LINGO2: variants seen among roughly 807,000 people sequenced by gnomAD.
The protein encoded by LINGO2 is leucine-rich repeat and immunoglobulin-like domain-containing nogo receptor-interacting protein 2.
Under a neutral mutation model 30.6 loss-of-function variants are expected in LINGO2, and 14 were observed. That is an observed-to-expected ratio of 0.46 (90% confidence interval 0.30 to 0.72). LINGO2 has a LOEUF of 0.72. LINGO2 is among the 30% of genes least tolerant of loss of function. The pLI, the probability that LINGO2 is intolerant of heterozygous loss-of-function variation, is 0.07. For missense variants in LINGO2, 729 were observed against 751.7 expected, an observed-to-expected ratio of 0.97 and a Z score of 0.35; for synonymous variants, 317 against 288.5, an observed-to-expected ratio of 1.10 and a Z score of -1.00.
At chr9:28,962,820 T>C in the LINGO2 span, among the ~76,000 whole-genome samples, 137,417 of 151,556 alleles carry the variant, frequency 0.91, 62,489 homozygotes, top group Non-Finnish European at 0.93. Context: ...TACTTTAATC[T>C]TAAACATACT....
the LINGO2 span, among the ~76,000 whole-genome samples, chr9:29,052,143 G>A: frequency 6.6e-6 from 1 of 152,076 alleles, no homozygotes; most frequent in East Asian, 1.9e-4. Context: ...GAATCTTATT[G>A]TAAAACCTCA....
At chr9:28,032,167 G>A (rs1223103024) in intron 4 of LINGO2, among the ~76,000 whole-genome samples, 1 of 151,916 alleles carries the variant, frequency 6.6e-6, no homozygotes, top group South Asian at 2.1e-4. Flanking sequence ...TAGGTAATAT[G>A]GGCATTCACA....
intron 1 of LINGO2, among the ~76,000 whole-genome samples, chr9:28,582,518 T>C (rs897597697): frequency 6.6e-6 from 1 of 152,028 alleles, no homozygotes; most frequent in Non-Finnish European, 1.5e-5. Flanking sequence ...GCCACATGCT[T>C]CTACACAAGA....
intron 1 of LINGO2, among the ~76,000 whole-genome samples, chr9:28,565,169 C>A (rs990665823): frequency 6.6e-6 from 1 of 152,074 alleles, no homozygotes; most frequent in African/African-American, 2.4e-5. Flanking sequence ...CATGTAAAAT[C>A]TCATACTGCT....
Position 28,600,404 on chromosome 9 carries a change from A to G in LINGO2, c.-365+69796T>C, listed in dbSNP as rs148852141. Among the ~76,000 whole-genome samples the G allele has an allele frequency of 3.3e-3, 507 of 152,250 alleles. 1 individual carries two copies. The highest frequency in any genetic ancestry group is 0.011 in the African/African-American group (464 of 41,558). On this transcript the variant is annotated intron_variant, in intron 1 of 5. Coordinates refer to ENST00000379992, the Ensembl canonical transcript of LINGO2. Reference sequence around the variant, plus strand: ...GTTATATGTTTATATCAATGAATCCACAACATTCACTAAAGACACAATACT... The same window carrying G: ...GTTATATGTTTATATCAATGAATCCGCAACATTCACTAAAGACACAATACT...
intron 3 of LINGO2, among the ~76,000 whole-genome samples, chr9:28,351,464 C>A (rs1292187373): frequency 1.3e-5 from 2 of 150,954 alleles, no homozygotes; most frequent in African/African-American, 4.9e-5. Context: ...AAGTTGAATC[C>A]CTGAATAGAC....
intron 2 of LINGO2, among the ~76,000 whole-genome samples, chr9:28,419,479 CTG>C (rs1419108393): frequency 6.6e-6 from 1 of 151,926 alleles, no homozygotes; most frequent in Non-Finnish European, 1.5e-5. Flanking sequence ...AAAGGTAAGA[CTG>C]TTCATAAGCA....
chr9:28,255,392 A>C (rs1822349727), intron 4 of LINGO2, among the ~76,000 whole-genome samples: 1 of 152,112 alleles, frequency 6.6e-6, no homozygotes, highest in African/African-American at 2.4e-5. Flanking sequence ...CAGCATGGAA[A>C]GACAGAGTCA....
At chr9:28,080,527 A>AT (rs1825744584) in intron 4 of LINGO2, 1 of 152,148 alleles carries the variant, frequency 6.6e-6, no homozygotes, top group Non-Finnish European at 1.5e-5. Flanking sequence ...ACCTCCTTAA[A>AT]AAAAATTCCT....
At chr9:28,306,804 T>C (rs1824379754) in intron 3 of LINGO2, among the ~76,000 whole-genome samples, 1 of 152,164 alleles carries the variant, frequency 6.6e-6, no homozygotes, top group Admixed American at 6.5e-5. Context: ...CAAACACCTC[T>C]ACGCAAATAA....
chr9:29,183,745 G>C, the LINGO2 span, among the ~76,000 whole-genome samples: 1 of 151,838 alleles, frequency 6.6e-6, no homozygotes, highest in Non-Finnish European at 1.5e-5. Flanking sequence ...TTCACATAAA[G>C]TCCCTCATAA....
chr9:28,985,266 T>C, the LINGO2 span, among the ~76,000 whole-genome samples: 2 of 152,132 alleles, frequency 1.3e-5, no homozygotes, highest in Non-Finnish European at 2.9e-5. Flanking sequence ...TATCTATTCA[T>C]CTGTTGATGA....
At chr9:28,089,157 G>A (rs554966150) in intron 4 of LINGO2, among the ~76,000 whole-genome samples, 3 of 152,002 alleles carry the variant, frequency 2.0e-5, no homozygotes, top group African/African-American at 4.8e-5. Context: ...ACAGATCAAC[G>A]AGACAGAAAG....
chr9:28,433,947 C>CTATATA (rs1417650474), intron 2 of LINGO2, among the ~76,000 whole-genome samples: 1 of 61,038 alleles, frequency 1.6e-5, no homozygotes, highest in Non-Finnish European at 4.2e-5. Context: ...CTCTCTCTCT[C>CTATATA]TCTATATATA....
downstream of LINGO2, among the ~76,000 whole-genome samples, chr9:27,946,936 A>G (rs1253927855): frequency 2.6e-5 from 4 of 152,084 alleles, no homozygotes; most frequent in Non-Finnish European, 5.9e-5. Context: ...TATTGGGGTC[A>G]ATTTAATTTT....
chr9:28,510,266 A>G lies in LINGO2; in HGVS notation c.-364-34241T>C, dbSNP rs116217957. Reference sequence around the variant, plus strand: ...AACCCACATAAAACTTTTCACTCCCATCACTTAACTACTAATAGCCTTCTG... The same window carrying G: ...AACCCACATAAAACTTTTCACTCCCGTCACTTAACTACTAATAGCCTTCTG... On this transcript the variant is annotated intron_variant, in intron 1 of 5. Transcript: ENST00000379992. Among the ~76,000 whole-genome samples the G allele has an allele frequency of 6.0e-3, 914 of 152,312 alleles. 14 individuals carry two copies. The highest frequency in any genetic ancestry group is 0.021 in the African/African-American group (871 of 41,560).
chr9:29,089,955 A>T, the LINGO2 span, among the ~76,000 whole-genome samples: 1 of 152,050 alleles, frequency 6.6e-6, no homozygotes, highest in African/African-American at 2.4e-5. Context: ...GGTTCTTGAT[A>T]TTTGTTGAAT....
chr9:28,835,377 T>C, the LINGO2 span, among the ~76,000 whole-genome samples: 46 of 152,196 alleles, frequency 3.0e-4, no homozygotes, highest in Non-Finnish European at 5.6e-4. Flanking sequence ...TCTTTCCTGA[T>C]ATAACATGCT....
intron 4 of LINGO2, among the ~76,000 whole-genome samples, chr9:28,062,956 C>T (rs574818580): frequency 7.2e-5 from 11 of 152,008 alleles, no homozygotes; most frequent in African/African-American, 2.4e-4. Context: ...TTTCCTTATC[C>T]GAACATTTCA....
Sources: allele counts gnomAD v4.1 joint callset (sites outside exome capture counted in the v4.1 genomes callset), GRCh38; gene constraint gnomAD v4.1.1; transcripts MANE v1.5; gene names NCBI Gene and HGNC (gene_info 2026-07-23, HGNC 2026-07-21).